The following HK1 variants were observed in gnomAD, a reference collection of about 807,000 sequenced individuals.
HK1 encodes the protein hexokinase 1.
Under a neutral mutation model 91.6 loss-of-function variants are expected in HK1, and 28 were observed. That is an observed-to-expected ratio of 0.31 (90% CI 0.23 to 0.42). The LOEUF (loss-of-function observed/expected upper bound fraction) is 0.42. HK1 is among the 10% of genes least tolerant of loss of function. The probability of loss-of-function intolerance (pLI) is 1.00; values close to 1 mark genes in which losing one functional copy is unlikely to be tolerated. For synonymous variants in HK1, 430 were observed against 468.1 expected (o/e 0.92, Z 1.05); for missense variants, 770 against 1,219.8 (o/e 0.63, Z 5.49).
Position 69,318,909 on chromosome 10 carries a change from C to G in HK1, c.-39C>G. On this transcript the variant is annotated 5_prime_UTR_variant, in exon 1 of 18. Coordinates refer to ENST00000359426, the MANE Select transcript of HK1 (RefSeq NM_000188.3). ...CTCGCCAGGGCTGCGGAGGACCGAC[C>G]GTCCCCACGCCTGCCGCCCCGCGAC... 6.4e-7 allele frequency: 1 copy of G among 1,557,224 alleles called. No homozygotes were observed. Among genetic ancestry groups the G allele is most frequent in the Non-Finnish European group, 8.7e-7 (1 of 1,152,378 alleles).
rs1840374625 is a variant in HK1 at position 69,401,201 on chromosome 10, T to A, written c.*66T>A. The A allele has an allele frequency of 6.4e-7, 1 of 1,553,902 alleles. No individual in the cohort carries two copies. Among genetic ancestry groups the A allele is most frequent in the South Asian group, 1.2e-5 (1 of 86,540 alleles). ...CTCTTCAAGCGGCGACCCCCTACCC[T>A]CCCAGCGAGTTGCGCTGGGAGACGC... On this transcript the variant is annotated 3_prime_UTR_variant, in exon 18 of 18. Transcript: ENST00000359426.
chr10:69,351,006 T>TAAA (rs71009213), intron 2 of HK1, among the ~76,000 whole-genome samples: 7,380 of 108,444 alleles, frequency 0.068, 361 homozygotes, highest in South Asian at 0.18. Context: ...CCGTCTCTAC[T>TAAA]AAAAAAAAAA....
chr10:69,368,413 C>A, intron 4 of HK1, 123 bp from the exon 5 acceptor site: 1 of 792,782 alleles, frequency 1.3e-6, no homozygotes. Context: ...CCAGTGTGAT[C>A]TGGGAGGAGC....
chr10:69,353,096 CTT>C (rs548728924), intron 2 of HK1, among the ~76,000 whole-genome samples: 1 of 152,100 alleles, frequency 6.6e-6, no homozygotes, highest in Non-Finnish European at 1.5e-5. Context: ...AGGAGAGTCT[CTT>C]TTGTTCCTTG....
intron 1 of HK1, among the ~76,000 whole-genome samples, chr10:69,331,927 A>T (rs1847747813): frequency 6.6e-6 from 1 of 152,042 alleles, no homozygotes; most frequent in East Asian, 1.9e-4. Context: ...TAGAAACAAC[A>T]TTTTGGATAT....
intron 14 of HK1, among the ~76,000 whole-genome samples, chr10:69,391,645 G>A (rs1341586211): frequency 6.6e-6 from 1 of 152,058 alleles, no homozygotes. Context: ...CTGTCTTGAA[G>A]AAAAGAAAAA....
At chr10:69,385,571 C>T (rs76006912) in intron 12 of HK1, among the ~76,000 whole-genome samples, 4,611 of 152,266 alleles carry the variant, frequency 0.03, 99 homozygotes, top group Non-Finnish European at 0.044. Context: ...CAGCCTGTCA[C>T]GCTGGAAGAG....
Position 69,392,180 on chromosome 10 carries a change from G to A in HK1, c.2091G>A (p.Glu697=). The A allele has an allele frequency of 6.2e-7, 1 of 1,614,208 alleles. No homozygotes were observed. The highest frequency in any genetic ancestry group is 8.5e-7 in the Non-Finnish European group (1 of 1,180,030). The change falls in exon 15 of 18, where the codon GAG becomes GAA. Residue 697 remains glutamate, a synonymous_variant. Transcript: ENST00000359426. ...MEEMKNVEMV[E]GDQGQMCINM... ...AGATGAAGAACGTGGAGATGGTGGA[G>A]GGGGACCAGGGGCAGATGTGCATCA...
intron 5 of HK1, among the ~76,000 whole-genome samples, chr10:69,308,309 C>T (rs976729499): frequency 2.0e-5 from 3 of 152,064 alleles, no homozygotes; most frequent in Admixed American, 6.6e-5. Flanking sequence ...CAAAACTCCT[C>T]AGACACCGAG....
chr10:69,285,623 G>A (rs1844994941), intron 2 of HK1, among the ~76,000 whole-genome samples: 1 of 152,186 alleles, frequency 6.6e-6, no homozygotes, highest in Non-Finnish European at 1.5e-5. Flanking sequence ...TTTGGGGGAA[G>A]GGCAATACTT....
intron 2 of HK1, among the ~76,000 whole-genome samples, chr10:69,286,634 C>T (rs560297205): frequency 1.8e-3 from 270 of 152,008 alleles, no homozygotes; most frequent in African/African-American, 6.2e-3. Flanking sequence ...CTGCAACCTC[C>T]GCCTCCCAGG....
At chr10:69,321,786 C>A (rs994600755) in intron 1 of HK1, among the ~76,000 whole-genome samples, 7 of 152,112 alleles carry the variant, frequency 4.6e-5, no homozygotes, top group African/African-American at 1.7e-4. Context: ...GTCTGACTTC[C>A]CAGCTTGGAA....
In HK1 at chr10:69,364,838, A is replaced by C. The variant is rs1849615744; in HGVS notation, c.431A>C (p.Lys144Thr). Residue 144 changes from lysine (K) to threonine (T), a missense_variant, in exon 4 of 18, where the codon AAG becomes ACG. Lys to Thr is a moderately conservative substitution (Grantham distance 78, BLOSUM62 -1). Transcript: ENST00000359426. ...LGDFMEKRKI[K>T]DKKLPVGFTF... ...GATTTCATGGAGAAAAGGAAGATCAAGGACAAGAAGTTACCTGTGGGATTC... is the reference window on the plus strand; with the variant it reads ...GATTTCATGGAGAAAAGGAAGATCACGGACAAGAAGTTACCTGTGGGATTC... 1.2e-6 allele frequency: 2 copies of C among 1,614,164 alleles called. No individual in the cohort carries two copies. The highest frequency in any genetic ancestry group is 4.5e-5 in the East Asian group (2 of 44,884).
chr10:69,320,019 A>G (rs1219423550), intron 1 of HK1, among the ~76,000 whole-genome samples: 1 of 152,146 alleles, frequency 6.6e-6, no homozygotes, highest in African/African-American at 2.4e-5. Context: ...AGACAGGTGG[A>G]GTTCTACAGG....
At chr10:69,360,079 G>T in intron 3 of HK1, 34 bp downstream of exon 3, 1 of 1,609,268 alleles carries the variant, frequency 6.2e-7, no homozygotes, top group Non-Finnish European at 8.5e-7. Context: ...CACCCCGTCG[G>T]GCCAGCATCC....
At chr10:69,300,552 C>T (rs1469033125) in intron 4 of HK1, 1 of 698,356 alleles carries the variant, frequency 1.4e-6, no homozygotes, top group Non-Finnish European at 2.5e-6. Flanking sequence ...GCAGATTATT[C>T]TGCATTTCTC....
intron 1 of HK1, chr10:69,338,121 C>T: frequency 2.2e-6 from 1 of 446,838 alleles, no homozygotes; most frequent in Non-Finnish European, 3.1e-6. Flanking sequence ...GGGGGTCCAA[C>T]TTTGGGAGCC....
upstream of HK1, among the ~76,000 whole-genome samples, chr10:69,314,309 C>G (rs538730538): frequency 2.6e-5 from 4 of 152,200 alleles, no homozygotes. Context: ...GAAACTTGGA[C>G]GGCATTCACA....
At chr10:69,370,712 C>T (rs77562961) in intron 7 of HK1, among the ~76,000 whole-genome samples, 5,496 of 152,110 alleles carry the variant, frequency 0.036, 338 homozygotes, top group African/African-American at 0.13. Context: ...GTCATGTAGA[C>T]GTTAGGGAGA....
Sources: gnomAD v4.1 joint callset for allele counts (sites outside exome capture counted in the v4.1 genomes callset) on GRCh38, gnomAD v4.1.1 for gene constraint, MANE v1.5 for transcripts, NCBI Gene and HGNC (gene_info 2026-07-23, HGNC 2026-07-21) for gene names.